The following DSCAML1 variants were observed in gnomAD, a reference collection of about 807,000 sequenced individuals.
The protein encoded by DSCAML1 is DS cell adhesion molecule like 1, also known as cell adhesion molecule DSCAML1.
A neutral mutation model predicts 200.5 loss-of-function variants in DSCAML1; 38 were observed. That is an observed-to-expected ratio of 0.19 (90% CI 0.15 to 0.25). The LOEUF is 0.25. Among genes scored for constraint, DSCAML1 ranks in the 10% least tolerant of loss-of-function variants. The probability of loss-of-function intolerance (pLI) is 1.00; values close to 1 mark genes in which losing one functional copy is unlikely to be tolerated. For synonymous variants in DSCAML1, 1,215 were observed against 1,165.0 expected (o/e 1.04, Z -0.87); for missense variants, 2,223 against 2,858.8 (o/e 0.78, Z 5.07).
chr11:117,778,130 G>A (rs1210545966), intron 2 of DSCAML1, among the ~76,000 whole-genome samples: 1 of 152,218 alleles, frequency 6.6e-6, no homozygotes, highest in Admixed American at 6.5e-5. Flanking sequence ...GCTCTTCCCG[G>A]CCCTCCCTCG....
At chr11:117,749,445 G>A (rs946368692) in intron 3 of DSCAML1, among the ~76,000 whole-genome samples, 7 of 152,212 alleles carry the variant, frequency 4.6e-5, no homozygotes, top group Non-Finnish European at 8.8e-5. Flanking sequence ...GAGAGGCCAC[G>A]AACTGCCCTG....
intron 3 of DSCAML1, among the ~76,000 whole-genome samples, chr11:117,737,095 C>CT (rs1020947379): frequency 1.3e-5 from 2 of 152,188 alleles, no homozygotes; most frequent in African/African-American, 4.8e-5. Context: ...TTGAGGTCCA[C>CT]TATTTAAGAA....
In DSCAML1 at chr11:117,707,297, A is replaced by C. The variant is rs79473785; in HGVS notation, c.511+69494T>G. Among the ~76,000 whole-genome samples, 897 of 152,342 alleles carry C rather than the reference A, an allele frequency of 5.9e-3. 7 individuals carry two copies. The highest frequency in any genetic ancestry group is 0.02 in the African/African-American group (846 of 41,572). The stretch of plus-strand genomic sequence containing the variant: ...GTACCACCTTCTGGAAGCCAGAAAT[A>C]TGGTGGCAACAAATAGAATCAGTTT... On this transcript the variant is annotated intron_variant, in intron 3 of 32. Transcript: ENST00000651296.
At chr11:117,621,589 A>G (rs977114263) in intron 3 of DSCAML1, among the ~76,000 whole-genome samples, 6 of 152,212 alleles carry the variant, frequency 3.9e-5, no homozygotes, top group African/African-American at 1.2e-4. Flanking sequence ...ATGTTAATGT[A>G]CTTGCATCTT....
chr11:117,506,152 G>T (rs537473835), intron 8 of DSCAML1, among the ~76,000 whole-genome samples: 12 of 152,182 alleles, frequency 7.9e-5, no homozygotes, highest in Non-Finnish European at 1.8e-4. Context: ...AAGAGGGGAA[G>T]CGTGGTGCTG....
chr11:117,751,559 G>C (rs76492199), intron 3 of DSCAML1, among the ~76,000 whole-genome samples: 1 of 152,084 alleles, frequency 6.6e-6, no homozygotes, highest in Admixed American at 6.5e-5. Context: ...ACAGGCAAGA[G>C]AAGAAGGCAC....
At chr11:117,675,336 T>G (rs1180674755) in intron 3 of DSCAML1, among the ~76,000 whole-genome samples, 2 of 152,176 alleles carry the variant, frequency 1.3e-5, no homozygotes, top group Admixed American at 1.3e-4. Flanking sequence ...CTCGCTCTGT[T>G]GCTCAGGCTG....
chr11:117,524,774 T>C (rs1176257216), intron 5 of DSCAML1, 31 bp downstream of exon 5: 1 of 1,553,258 alleles, frequency 6.4e-7, no homozygotes, highest in Non-Finnish European at 8.7e-7. Context: ...CAGAGGTTAC[T>C]GGGGCTGCAG....
intron 3 of DSCAML1, among the ~76,000 whole-genome samples, chr11:117,603,118 C>A (rs1263889): frequency 0.52 from 78,472 of 151,652 alleles, 21,120 homozygotes; most frequent in African/African-American, 0.68. Flanking sequence ...ACAACAACAA[C>A]AAAAAAACCC....
intron 11 of DSCAML1, among the ~76,000 whole-genome samples, chr11:117,496,782 G>T (rs552231133): frequency 1.3e-5 from 2 of 152,198 alleles, no homozygotes; most frequent in Non-Finnish European, 2.9e-5. Flanking sequence ...TGGAACCGGA[G>T]GATGCATGGG....
At chr11:117,434,647 A>G (rs1403032063) in intron 27 of DSCAML1, among the ~76,000 whole-genome samples, 1 of 152,096 alleles carries the variant, frequency 6.6e-6, no homozygotes, top group Non-Finnish European at 1.5e-5. Context: ...TTATTCAACC[A>G]TCCTTACACC....
intron 3 of DSCAML1, among the ~76,000 whole-genome samples, chr11:117,760,645 A>T (rs1419427124): frequency 6.6e-6 from 1 of 152,232 alleles, no homozygotes; most frequent in African/African-American, 2.4e-5. Flanking sequence ...TATCACAAAC[A>T]TGGCTACGAT....
At position 117,461,441 on chromosome 11, in the gene DSCAML1, C is replaced by T; in HGVS notation, c.3412+9G>A. The T allele has an allele frequency of 6.2e-7, 1 of 1,614,154 alleles. No individual in the cohort carries two copies. The highest frequency in any genetic ancestry group is 8.5e-7 in the Non-Finnish European group (1 of 1,180,024). On this transcript the variant is annotated intron_variant, in intron 18 of 32. Transcript: ENST00000651296. ...CCTGAGTCCCAGCCATCAGTCCCAG[C>T]AGACTCACCCCCATCAACATAGAGG...
At chr11:117,484,698 A>G (rs891048503) in intron 11 of DSCAML1, among the ~76,000 whole-genome samples, 1 of 152,208 alleles carries the variant, frequency 6.6e-6, no homozygotes, top group Non-Finnish European at 1.5e-5. Context: ...AAGATTTTAC[A>G]CCAACAAGTC....
intron 14 of DSCAML1, among the ~76,000 whole-genome samples, chr11:117,474,878 C>T (rs899100135): frequency 1.5e-4 from 23 of 152,000 alleles, no homozygotes; most frequent in African/African-American, 4.1e-4. Flanking sequence ...CCTCAGCCTC[C>T]GGAGTAGCTG....
chr11:117,524,656 C>T (rs925773396), intron 5 of DSCAML1, 149 bp downstream of exon 5: 2 of 1,008,508 alleles, frequency 2.0e-6, no homozygotes, highest in Non-Finnish European at 2.8e-6. Flanking sequence ...AAGGGCTTTT[C>T]CAGGATACCA....
intron 24 of DSCAML1, among the ~76,000 whole-genome samples, chr11:117,438,566 C>T (rs961175190): frequency 2.7e-5 from 4 of 146,782 alleles, no homozygotes; most frequent in Non-Finnish European, 5.9e-5. Flanking sequence ...CGCAGACGCA[C>T]GCCCACACTT....
At chr11:117,603,544 G>A (rs915599868) in intron 3 of DSCAML1, among the ~76,000 whole-genome samples, 2 of 152,144 alleles carry the variant, frequency 1.3e-5, no homozygotes, top group Non-Finnish European at 2.9e-5. Context: ...AGTGGATATA[G>A]GGCACTTGCC....
At chr11:117,732,097 C>G (rs531513265) in intron 3 of DSCAML1, among the ~76,000 whole-genome samples, 3 of 152,162 alleles carry the variant, frequency 2.0e-5, no homozygotes, top group Non-Finnish European at 4.4e-5. Context: ...ACTGCCCCTC[C>G]CAGGGACATT....
Sources: allele counts gnomAD v4.1 joint callset (sites outside exome capture counted in the v4.1 genomes callset), GRCh38; gene constraint gnomAD v4.1.1; transcripts MANE v1.5; gene names NCBI Gene and HGNC (gene_info 2026-07-23, HGNC 2026-07-21).